Variants in RGS22 observed in about 807,000 individuals in gnomAD.
RGS22 encodes the protein regulator of G-protein signaling 22.
In RGS22, 148 loss-of-function variants were observed where a neutral mutation model predicts 172.9. The observed-to-expected ratio is 0.86, with a 90% CI of 0.75 to 0.98. RGS22 has a LOEUF of 0.98. Ranked by LOEUF, RGS22 falls within the 50% of genes least tolerant of loss-of-function variation. The pLI, the probability that RGS22 is intolerant of heterozygous loss-of-function variation, is 0.00. For missense variants in RGS22, 1,347 were observed against 1,440.8 expected (o/e 0.93, Z 1.05); for synonymous variants, 458 against 480.2 (o/e 0.95, Z 0.60).
chr8:100,062,663 T>C lies in RGS22; in HGVS notation c.1442A>G (p.Asp481Gly), dbSNP rs369355942. 3.7e-6 allele frequency: 6 copies of C among 1,600,192 alleles called. No homozygotes were observed. The African/African-American group carries it at 6.7e-5, about 18-fold the overall frequency. ...AEILSKFKLL[D>G]GSQWNEEHLR... ...ATGCTCTTCATTCCACTGTGATCCA[T>C]CTAACAGTTTAAATTTTGATAAGAT... Residue 481 changes from aspartate to glycine, a missense_variant, in exon 9 of 28, where the codon GAT becomes GGT. Transcript: ENST00000360863.
chr8:100,002,224 G>T lies in RGS22; in HGVS notation c.2768C>A (p.Ala923Asp). ...KKYFFGPNSP[A>D]SLYQQNQVMH... ...TACCTGGTTCTGCTGATACAGAGAAGCTGGACTGTTGGGTCCAAAGAAATA... is the reference window on the plus strand; with the variant it reads ...TACCTGGTTCTGCTGATACAGAGAATCTGGACTGTTGGGTCCAAAGAAATA... The change falls in exon 18 of 28, where the codon GCT becomes GAT. Residue 923 changes from alanine (A) to aspartate (D), a missense_variant. By Grantham distance (126) the Ala-to-Asp change is moderately radical. Coordinates refer to ENST00000360863, the MANE Select transcript of RGS22 (RefSeq NM_015668.5). The T allele has an allele frequency of 6.3e-7, 1 of 1,598,056 alleles. No homozygotes were observed. The highest frequency in any genetic ancestry group is 8.5e-7 in the Non-Finnish European group (1 of 1,174,840).
At chr8:100,024,735 C>T (rs1484102000) in intron 14 of RGS22, among the ~76,000 whole-genome samples, 1 of 152,148 alleles carries the variant, frequency 6.6e-6, no homozygotes, top group African/African-American at 2.4e-5. Context: ...AGTCAGAATA[C>T]TTGGTACTAA....
chr8:99,987,801 G>A (rs570976084), intron 20 of RGS22, among the ~76,000 whole-genome samples, 182 bp from the exon 21 acceptor site: 1 of 152,110 alleles, frequency 6.6e-6, no homozygotes, highest in Admixed American at 6.5e-5. Context: ...TTTTTAGGAG[G>A]TAGAGTGAAA....
At chr8:100,061,843 C>G (rs1291565076) in intron 9 of RGS22, among the ~76,000 whole-genome samples, 1 of 152,128 alleles carries the variant, frequency 6.6e-6, no homozygotes, top group Non-Finnish European at 1.5e-5. Flanking sequence ...AAGACACATG[C>G]ATGTGTATGT....
chr8:99,979,642 G>T (rs1296782827), intron 22 of RGS22, among the ~76,000 whole-genome samples: 1 of 152,132 alleles, frequency 6.6e-6, no homozygotes, highest in Non-Finnish European at 1.5e-5. Context: ...TGCTAAAACT[G>T]TCAGCAGTTT....
At chr8:100,074,630 T>C (rs1347014203) in intron 4 of RGS22, among the ~76,000 whole-genome samples, 1 of 152,230 alleles carries the variant, frequency 6.6e-6, no homozygotes, top group Non-Finnish European at 1.5e-5. Context: ...AATATTCCAC[T>C]GTATGGATAT....
At chr8:99,991,592 G>A (rs906238370) in intron 20 of RGS22, among the ~76,000 whole-genome samples, 5 of 152,118 alleles carry the variant, frequency 3.3e-5, no homozygotes, top group Non-Finnish European at 7.4e-5. Flanking sequence ...AACGAACAAA[G>A]CCTCCAAGAA....
At position 100,098,862 on chromosome 8, in the gene RGS22, ATTTATTTTATTTTATTTTATTTTAT is replaced by A. The variant is rs1205135976; in HGVS notation, c.55-5378_55-5354del. ...ATTTTTTTATTTATTTTATTATTTTATTTATTTTATTTTATTTTATTTTATTTTATTTTATTTTATTTTATTTTAT... is the reference window on the plus strand; with the variant it reads ...ATTTTTTTATTTATTTTATTATTTTATTTATTTTATTTTATTTTATTTTAT... On this transcript the variant is annotated intron_variant, in intron 2 of 27. Transcript: ENST00000360863. 6.3e-3 allele frequency among the ~76,000 whole-genome samples: 345 copies of A among 54,820 alleles called. 1 individual carries two copies. Among genetic ancestry groups the A allele is most frequent in the Non-Finnish European group, 8.1e-3 (259 of 32,056 alleles). 36.0% of individuals were successfully genotyped at this position (54,820 alleles called of 152,430 possible).
intron 22 of RGS22, among the ~76,000 whole-genome samples, chr8:99,978,859 G>T (rs974293008): frequency 7.2e-5 from 11 of 152,102 alleles, no homozygotes; most frequent in Admixed American, 2.0e-4. Context: ...GGAAAAAAAT[G>T]AACCATCCCA....
At chr8:100,009,556 T>C (rs1445998349) in intron 14 of RGS22, among the ~76,000 whole-genome samples, 1 of 152,152 alleles carries the variant, frequency 6.6e-6, no homozygotes, top group Non-Finnish European at 1.5e-5. Flanking sequence ...TGAGAAGCAA[T>C]TTAATAACAT....
chr8:100,092,254 C>A (rs554194510), intron 3 of RGS22, among the ~76,000 whole-genome samples: 1 of 152,140 alleles, frequency 6.6e-6, no homozygotes, highest in East Asian at 1.9e-4. Flanking sequence ...ATAGCAAAAA[C>A]CTTTTCTTAT....
At chr8:100,001,654 A>T (rs1304278347) in intron 18 of RGS22, among the ~76,000 whole-genome samples, 1 of 152,208 alleles carries the variant, frequency 6.6e-6, no homozygotes, top group African/African-American at 2.4e-5. Flanking sequence ...GTCAATAAAA[A>T]TATTTTCTGG....
chr8:100,013,117 G>C (rs1816585744), intron 14 of RGS22, among the ~76,000 whole-genome samples: 1 of 151,716 alleles, frequency 6.6e-6, no homozygotes, highest in African/African-American at 2.4e-5. Flanking sequence ...AGCCTCCCGA[G>C]TAGCTGGGAC....
rs181684923 is a variant in RGS22, at chr8:100,096,027, T to C, written c.55-2518A>G. On this transcript the variant is annotated intron_variant, in intron 2 of 27. Transcript: ENST00000360863. ...GAACCTATTTTCCCACTGCAGTTTCTAGTTCAATGTGTTCAAAATATCTTG... is the reference window on the plus strand; with the variant it reads ...GAACCTATTTTCCCACTGCAGTTTCCAGTTCAATGTGTTCAAAATATCTTG... Among the ~76,000 whole-genome samples the C allele has an allele frequency of 8.6e-3, 1,308 of 152,340 alleles. 17 individuals are homozygous for C. Among genetic ancestry groups the C allele is most frequent in the African/African-American group, 0.03 (1,238 of 41,572 alleles).
At chr8:100,097,246 A>G (rs2514705) in intron 2 of RGS22, among the ~76,000 whole-genome samples, 41,203 of 152,134 alleles carry the variant, frequency 0.27, 6,986 homozygotes, top group East Asian at 0.44. Flanking sequence ...TGGATTACAC[A>G]AGTGTATACA....
At chr8:100,040,858 C>T (rs1250033425) in intron 12 of RGS22, among the ~76,000 whole-genome samples, 6 of 152,098 alleles carry the variant, frequency 3.9e-5, no homozygotes, top group African/African-American at 1.2e-4. Context: ...TTTTGTCCTA[C>T]TGTCTCTCCA....
chr8:100,003,138 AT>A, intron 17 of RGS22: 2 of 235,292 alleles, frequency 8.5e-6, no homozygotes, highest in Non-Finnish European at 1.8e-5. Context: ...TTAATTGTAC[AT>A]TTAAAAATAA....
At chr8:100,001,973 T>C (rs971045507) in intron 18 of RGS22, among the ~76,000 whole-genome samples, 3 of 152,224 alleles carry the variant, frequency 2.0e-5, no homozygotes, top group African/African-American at 7.2e-5. Flanking sequence ...TATTTTATTC[T>C]ATAAACTACT....
At chr8:99,990,580 A>C (rs1319442310) in intron 20 of RGS22, among the ~76,000 whole-genome samples, 7 of 152,206 alleles carry the variant, frequency 4.6e-5, no homozygotes, top group Admixed American at 2.6e-4. Context: ...GTTCTTGGGC[A>C]AGTCACTGAA....
Sources: allele counts gnomAD v4.1 joint callset (sites outside exome capture counted in the v4.1 genomes callset), GRCh38; gene constraint gnomAD v4.1.1; transcripts MANE v1.5; gene names NCBI Gene and HGNC (gene_info 2026-07-23, HGNC 2026-07-21).